The following RSRC1 variants were observed in gnomAD, a reference collection of about 807,000 sequenced individuals.
RSRC1 encodes the protein serine/Arginine-related protein 53.
In RSRC1, 39 loss-of-function variants were observed where a neutral mutation model predicts 49.1. That is an observed-to-expected ratio of 0.79 (90% CI 0.61 to 1.04). The LOEUF is 1.04. Ranked by LOEUF, RSRC1 falls within the 50% of genes least tolerant of loss-of-function variation. RSRC1 has a pLI of 0.00. For missense variants in RSRC1, 388 were observed against 402.4 expected (o/e 0.96, Z 0.31); for synonymous variants, 143 against 130.8 (o/e 1.09, Z -0.63).
intron 6 of RSRC1, among the ~76,000 whole-genome samples, chr3:158,361,846 C>T (rs948051148): frequency 2.0e-5 from 3 of 152,162 alleles, no homozygotes; most frequent in African/African-American, 4.8e-5. Flanking sequence ...CACTCCAAGG[C>T]TCTTCTAAAA....
At chr3:158,535,297 T>C (rs1438985149) in intron 7 of RSRC1, among the ~76,000 whole-genome samples, 1 of 151,312 alleles carries the variant, frequency 6.6e-6, no homozygotes, top group South Asian at 2.1e-4. Flanking sequence ...GTAATACATA[T>C]ACATATTAAG....
rs775772192 is a variant in RSRC1, at chr3:158,544,282, T to C, written c.*7T>C. The C allele has an allele frequency of 2.6e-6, 4 of 1,545,484 alleles. No individual in the cohort carries two copies. The highest frequency in any genetic ancestry group is 3.5e-6 in the Non-Finnish European group (4 of 1,127,796). ...GGGCAGTCCTGTGGCCTAAGTAATATACATATAGTTGGATTGGATTGTCAG... is the reference window on the plus strand; with the variant it reads ...GGGCAGTCCTGTGGCCTAAGTAATACACATATAGTTGGATTGGATTGTCAG... On this transcript the variant is annotated 3_prime_UTR_variant, in exon 10 of 10. Coordinates refer to ENST00000611884, the MANE Select transcript of RSRC1 (RefSeq NM_001271838.2).
chr3:158,193,751 C>G (rs1720375630), intron 3 of RSRC1, among the ~76,000 whole-genome samples: 1 of 151,922 alleles, frequency 6.6e-6, no homozygotes, highest in Non-Finnish European at 1.5e-5. Flanking sequence ...AGAAAAGAAT[C>G]AGGTAACATC....
intron 3 of RSRC1, among the ~76,000 whole-genome samples, chr3:158,199,873 A>G (rs908314229): frequency 6.6e-6 from 1 of 152,156 alleles, no homozygotes; most frequent in Admixed American, 6.5e-5. Flanking sequence ...TCAGAGAAAC[A>G]TGTTCTGCAT....
intron 7 of RSRC1, among the ~76,000 whole-genome samples, chr3:158,510,336 A>G (rs1740088632): frequency 6.6e-6 from 1 of 152,194 alleles, no homozygotes; most frequent in Admixed American, 6.5e-5. Flanking sequence ...AATATGTATT[A>G]CAGATATCTT....
intron 6 of RSRC1, among the ~76,000 whole-genome samples, chr3:158,388,117 A>G (rs530607494): frequency 6.6e-5 from 10 of 152,080 alleles, no homozygotes; most frequent in South Asian, 2.1e-4. Flanking sequence ...TTTGTAAGAC[A>G]TTGGCTGACT....
intron 3 of RSRC1, among the ~76,000 whole-genome samples, chr3:158,183,773 G>A (rs1426616808): frequency 2.6e-5 from 4 of 151,814 alleles, no homozygotes; most frequent in African/African-American, 9.7e-5. Context: ...AAAATTAGTT[G>A]GGCATGGTGG....
chr3:158,228,551 T>A (rs1348110135), intron 4 of RSRC1, among the ~76,000 whole-genome samples: 1 of 151,970 alleles, frequency 6.6e-6, no homozygotes, highest in African/African-American at 2.4e-5. Flanking sequence ...TCCATTATAA[T>A]ACCTGAATTC....
chr3:158,374,758 G>C (rs1193556282), intron 6 of RSRC1, among the ~76,000 whole-genome samples: 3 of 151,932 alleles, frequency 2.0e-5, no homozygotes, highest in Non-Finnish European at 4.4e-5. Flanking sequence ...AGGTCATTTT[G>C]AATTTTGAAT....
At chr3:158,287,783 A>G (rs969731302) in intron 4 of RSRC1, among the ~76,000 whole-genome samples, 2 of 152,206 alleles carry the variant, frequency 1.3e-5, no homozygotes, top group Non-Finnish European at 2.9e-5. Context: ...GGAAAAAACA[A>G]GGACATATTG....
chr3:158,330,594 T>C (rs1729487583), intron 5 of RSRC1, among the ~76,000 whole-genome samples: 1 of 152,152 alleles, frequency 6.6e-6, no homozygotes, highest in Non-Finnish European at 1.5e-5. Flanking sequence ...TAACTAGTTC[T>C]TTATTGTTGG....
intron 6 of RSRC1, among the ~76,000 whole-genome samples, chr3:158,380,907 C>T (rs1732662783): frequency 6.6e-6 from 1 of 152,054 alleles, no homozygotes. Flanking sequence ...CCTTAAACAA[C>T]ATGTGTTTAA....
intron 6 of RSRC1, among the ~76,000 whole-genome samples, chr3:158,364,005 C>T (rs1394031116): frequency 2.0e-5 from 3 of 152,104 alleles, no homozygotes; most frequent in Non-Finnish European, 2.9e-5. Flanking sequence ...AAGTGCCTCA[C>T]CCCATCCCAA....
At chr3:158,311,246 G>A (rs60566034) in intron 5 of RSRC1, among the ~76,000 whole-genome samples, 20,906 of 151,442 alleles carry the variant, frequency 0.14, 1,574 homozygotes, top group Middle Eastern at 0.21. Context: ...AATTCCTTAC[G>A]GTTAAACTCA....
At chr3:158,318,694 A>G (rs1039934981) in intron 5 of RSRC1, among the ~76,000 whole-genome samples, 2 of 152,142 alleles carry the variant, frequency 1.3e-5, no homozygotes, top group African/African-American at 2.4e-5. Flanking sequence ...GTATTTCCCT[A>G]TTTGTTAGGC....
intron 3 of RSRC1, among the ~76,000 whole-genome samples, chr3:158,196,136 A>T (rs1337713942): frequency 6.6e-6 from 1 of 151,122 alleles, no homozygotes; most frequent in Admixed American, 6.6e-5. Context: ...ACGAGCATGG[A>T]ATGTTCTTCC....
intron 6 of RSRC1, among the ~76,000 whole-genome samples, chr3:158,375,232 A>G (rs6798940): frequency 0.52 from 78,468 of 149,784 alleles, 20,960 homozygotes; most frequent in African/African-American, 0.61. Context: ...GTCTCACTCT[A>G]TTGTCTAGGC....
At chr3:158,324,387 C>G (rs1052774568) in intron 5 of RSRC1, among the ~76,000 whole-genome samples, 2 of 152,290 alleles carry the variant, frequency 1.3e-5, no homozygotes, top group Admixed American at 1.3e-4. Context: ...CTGCCCTCCC[C>G]TCACCCCACG....
intron 6 of RSRC1, among the ~76,000 whole-genome samples, chr3:158,374,345 A>G (rs969460136): frequency 6.6e-6 from 1 of 152,162 alleles, no homozygotes; most frequent in African/African-American, 2.4e-5. Flanking sequence ...TTAATACAGG[A>G]ACAGAGGTAT....
Sources: gnomAD v4.1 joint callset for allele counts (sites outside exome capture counted in the v4.1 genomes callset) on GRCh38, gnomAD v4.1.1 for gene constraint, MANE v1.5 for transcripts, NCBI Gene and HGNC (gene_info 2026-07-23, HGNC 2026-07-21) for gene names.